The following ZBTB7C variants were observed in gnomAD, a reference collection of about 807,000 sequenced individuals.
ZBTB7C encodes the protein zinc finger and BTB domain containing 7C.
Under a neutral mutation model 25.7 loss-of-function variants are expected in ZBTB7C, and 8 were observed. That is an observed-to-expected ratio of 0.31 (90% CI 0.18 to 0.56). The LOEUF is 0.56. ZBTB7C is among the 20% of genes least tolerant of loss of function. The pLI is 0.91. For missense variants in ZBTB7C, 824 were observed against 855.2 expected, an observed-to-expected ratio of 0.96 and a Z score of 0.46; for synonymous variants, 394 against 369.0, an observed-to-expected ratio of 1.07 and a Z score of -0.78.
chr18:48,211,903 G>A (rs2042710724), intron 2 of ZBTB7C, among the ~76,000 whole-genome samples: 1 of 152,152 alleles, frequency 6.6e-6, no homozygotes, highest in African/African-American at 2.4e-5. Context: ...GTTTATAGCA[G>A]CTTTATTCAT....
intron 3 of ZBTB7C, among the ~76,000 whole-genome samples, chr18:48,042,674 G>A (rs73447909): frequency 0.043 from 6,509 of 152,248 alleles, 431 homozygotes; most frequent in African/African-American, 0.14. Context: ...CAGCCCAGGC[G>A]TTCCCTAAGC....
intron 3 of ZBTB7C, among the ~76,000 whole-genome samples, chr18:48,119,587 A>C (rs1165927514): frequency 6.6e-6 from 1 of 152,228 alleles, no homozygotes; most frequent in Non-Finnish European, 1.5e-5. Context: ...TGTTATTATT[A>C]ATTGAAGACT....
At chr18:48,131,333 T>A (rs1309321483) in intron 3 of ZBTB7C, among the ~76,000 whole-genome samples, 1 of 152,240 alleles carries the variant, frequency 6.6e-6, no homozygotes, top group African/African-American at 2.4e-5. Context: ...TCTTGGGTCA[T>A]ACAAGCCAAA....
intron 1 of ZBTB7C, among the ~76,000 whole-genome samples, chr18:48,377,124 G>C (rs1374196052): frequency 6.6e-6 from 1 of 152,232 alleles, no homozygotes; most frequent in African/African-American, 2.4e-5. Context: ...TCCAGAGGAT[G>C]GGGGAGGCGA....
chr18:48,253,010 G>T (rs760534125), intron 2 of ZBTB7C, among the ~76,000 whole-genome samples: 1 of 152,194 alleles, frequency 6.6e-6, no homozygotes, highest in African/African-American at 2.4e-5. Flanking sequence ...ATATTGAAAA[G>T]ATTGTATAGA....
intron 1 of ZBTB7C, among the ~76,000 whole-genome samples, chr18:48,398,800 AGTGT>A (rs1368920383): frequency 1.3e-5 from 2 of 152,170 alleles, no homozygotes; most frequent in African/African-American, 4.8e-5. Flanking sequence ...TTCATAAATC[AGTGT>A]TGAGTACATG....
intron 2 of ZBTB7C, among the ~76,000 whole-genome samples, chr18:48,310,765 G>C (rs115987681): frequency 2.5e-3 from 385 of 152,342 alleles, no homozygotes; most frequent in African/African-American, 7.9e-3. Context: ...GCTCTGGGGA[G>C]TCTGAGATGG....
In ZBTB7C at chr18:48,174,355, C is replaced by T. The variant is rs79435332; in HGVS notation, c.-17+11579G>A. On this transcript the variant is annotated intron_variant, in intron 3 of 4. Coordinates refer to ENST00000590800, the MANE Select transcript of ZBTB7C (RefSeq NM_001318841.2). ...CATATGAAAAATTTTCAACTTCACT[C>T]ATAATAAAAAAATGAAAACTAAAAT... 8.7e-4 allele frequency among the ~76,000 whole-genome samples: 132 copies of T among 152,268 alleles called. 1 individual carries two copies. The East Asian group carries it at 0.018, about 20-fold the overall frequency.
At chr18:48,222,136 T>C (rs1768820560) in intron 2 of ZBTB7C, among the ~76,000 whole-genome samples, 1 of 152,164 alleles carries the variant, frequency 6.6e-6, no homozygotes, top group African/African-American at 2.4e-5. Flanking sequence ...CCTAGTCTCC[T>C]GTCTTTATTG....
intron 1 of ZBTB7C, among the ~76,000 whole-genome samples, chr18:48,362,642 G>A (rs1447954147): frequency 6.6e-6 from 1 of 152,120 alleles, no homozygotes; most frequent in Non-Finnish European, 1.5e-5. Context: ...AGCCTAAACT[G>A]GCAAAGACAA....
intron 1 of ZBTB7C, among the ~76,000 whole-genome samples, chr18:48,398,738 C>T (rs2048088725): frequency 6.6e-6 from 1 of 152,080 alleles, no homozygotes; most frequent in South Asian, 2.1e-4. Flanking sequence ...CCCACCCCCA[C>T]CTTTGCCTGG....
chr18:48,268,760 G>C (rs1233540773), intron 2 of ZBTB7C, among the ~76,000 whole-genome samples: 2 of 151,824 alleles, frequency 1.3e-5, no homozygotes, highest in Non-Finnish European at 2.9e-5. Flanking sequence ...GTGGGGTGTA[G>C]ATAAAAATGT....
intron 3 of ZBTB7C, among the ~76,000 whole-genome samples, chr18:48,156,006 A>C (rs1420095682): frequency 6.6e-6 from 1 of 152,194 alleles, no homozygotes; most frequent in Non-Finnish European, 1.5e-5. Context: ...GTTACAAAAG[A>C]AGCTATTGGC....
chr18:48,043,789 G>A (rs1186118777), intron 3 of ZBTB7C, among the ~76,000 whole-genome samples: 4 of 152,210 alleles, frequency 2.6e-5, no homozygotes, highest in South Asian at 2.1e-4. Context: ...TAGCTGAAAC[G>A]ATAAGTATCT....
At chr18:48,213,877 T>C (rs901638910) in intron 2 of ZBTB7C, among the ~76,000 whole-genome samples, 5 of 152,170 alleles carry the variant, frequency 3.3e-5, no homozygotes, top group African/African-American at 4.8e-5. Flanking sequence ...GGTGGTTCCA[T>C]GGAGCTGTCA....
At chr18:48,045,821 G>C (rs1397833995) in intron 3 of ZBTB7C, among the ~76,000 whole-genome samples, 1 of 152,200 alleles carries the variant, frequency 6.6e-6, no homozygotes, top group Admixed American at 6.5e-5. Context: ...TAAATGCTTA[G>C]CACAGTCCTG....
intron 3 of ZBTB7C, among the ~76,000 whole-genome samples, chr18:48,065,167 C>T (rs543831857): frequency 9.4e-4 from 143 of 152,188 alleles, no homozygotes; most frequent in African/African-American, 3.3e-3. Flanking sequence ...GCGCTAGGCC[C>T]AGCTGGCTGG....
intron 2 of ZBTB7C, among the ~76,000 whole-genome samples, chr18:48,297,501 A>G (rs2045429726): frequency 6.6e-6 from 1 of 151,564 alleles, no homozygotes; most frequent in Admixed American, 6.6e-5. Flanking sequence ...CCCCCATTCT[A>G]CTTCCACCCA....
rs1430056775 is a variant in ZBTB7C at position 48,027,403 on chromosome 18, C to CCAAT, written c.*1853_*1856dup. The CCAAT allele has an allele frequency of 6.6e-6, 1 of 151,652 alleles. No homozygotes were observed. The highest frequency in any genetic ancestry group is 2.4e-5 in the African/African-American group (1 of 41,268). 9.4% of individuals were successfully genotyped at this position (151,652 alleles called of 1,614,324 possible). A position where few individuals can be genotyped will look rare whatever the true frequency, so the allele number is the denominator to read the frequency against. On this transcript the variant is annotated 3_prime_UTR_variant, in exon 5 of 5. Transcript: ENST00000590800. ...CTCTCTTTTAAAGTCTGGTTCAGCC[C>CCAAT]CAATCACTTGGCTGATGGGGGGGAA...
Sources: allele counts gnomAD v4.1 joint callset (sites outside exome capture counted in the v4.1 genomes callset), GRCh38; gene constraint gnomAD v4.1.1; transcripts MANE v1.5; gene names NCBI Gene and HGNC (gene_info 2026-07-23, HGNC 2026-07-21).